Variants in OTOGL observed in about 807,000 individuals in gnomAD.
OTOGL encodes the protein otogelin-like protein.
In OTOGL, 285 loss-of-function variants were observed where a neutral mutation model predicts 318.5. The ratio of observed to expected loss-of-function variants is 0.89; its 90% CI spans 0.81 to 0.99. The LOEUF is 0.99. Among genes scored for constraint, OTOGL ranks in the 50% least tolerant of loss-of-function variants. The pLI, the probability that OTOGL is intolerant of heterozygous loss-of-function variation, is 0.00. For synonymous variants in OTOGL, 987 were observed against 936.5 expected (o/e 1.05, Z -0.99); for missense variants, 2,899 against 2,845.6 (o/e 1.02, Z -0.43).
intron 6 of OTOGL, 59 bp downstream of exon 6, chr12:80,219,971 T>C (rs1409585824): frequency 8.2e-7 from 1 of 1,217,390 alleles, no homozygotes; most frequent in African/African-American, 1.5e-5. Flanking sequence ...AATTAAGGCA[T>C]AATTTGCTAT....
rs530669743 is a variant in OTOGL, at chr12:80,152,729, C to G, written c.-20+53124C>G. Among the ~76,000 whole-genome samples, 8 of 152,258 alleles carry G rather than the reference C, an allele frequency of 5.3e-5. No homozygotes were observed. In the East Asian group the frequency reaches 1.5e-3, roughly 29 times the overall value. On this transcript the variant is annotated intron_variant, in intron 1 of 58. Coordinates refer to ENST00000547103, the MANE Select transcript of OTOGL (RefSeq NM_001378609.3). ...TTTGAGACAGAGTGTCACTTTGTCA[C>G]CAAGGCTGGAGTGCCGTGGCACAAT... is the stretch of plus-strand genomic sequence containing the variant.
intron 1 of OTOGL, among the ~76,000 whole-genome samples, chr12:80,182,237 G>A (rs747508148): frequency 2.0e-5 from 3 of 152,144 alleles, no homozygotes; most frequent in Non-Finnish European, 2.9e-5. Context: ...GCCCCTAAAT[G>A]TTATCAAAAC....
At chr12:80,228,870 T>A (rs1879112863) in intron 7 of OTOGL, among the ~76,000 whole-genome samples, 1 of 152,192 alleles carries the variant, frequency 6.6e-6, no homozygotes, top group Admixed American at 6.5e-5. Context: ...CTTTGTGTAG[T>A]GCTCCATTCA....
At chr12:80,165,408 T>G (rs569932089) in intron 1 of OTOGL, among the ~76,000 whole-genome samples, 1 of 152,332 alleles carries the variant, frequency 6.6e-6, no homozygotes, top group East Asian at 1.9e-4. Context: ...AGTTAGTGGT[T>G]GTGGGATGTG....
In OTOGL at chr12:80,222,243, T is replaced by G; in HGVS notation, c.487T>G (p.Trp163Gly). ...TGATTTGGAGCCTCGGTACACTGTA[T>G]GGGTAGGTGATTGTAGGACATGATT... ...CGDLEPRYTV[W>G]VHNSPKCLGS... Residue 163 changes from tryptophan (W) to glycine (G), a missense_variant and splice_region_variant, in exon 7 of 59, where the codon TGG becomes GGG. Trp to Gly is a radical substitution (Grantham distance 184). Coordinates refer to ENST00000547103, the MANE Select transcript of OTOGL (RefSeq NM_001378609.3). The G allele has an allele frequency of 6.3e-7, 1 of 1,584,646 alleles. No homozygotes were observed. The highest frequency in any genetic ancestry group is 1.1e-5 in the South Asian group (1 of 88,746).
chr12:80,319,832 G>A (rs539652038), intron 33 of OTOGL, among the ~76,000 whole-genome samples: 57 of 152,190 alleles, frequency 3.7e-4, no homozygotes, highest in Non-Finnish European at 7.1e-4. Context: ...TCAATGCTTT[G>A]TAAAGCTCAT....
chr12:80,264,447 A>C (rs527269101), intron 19 of OTOGL, among the ~76,000 whole-genome samples: 3 of 152,188 alleles, frequency 2.0e-5, no homozygotes, highest in Admixed American at 6.6e-5. Context: ...TATTTATCAA[A>C]CATTATTGAG....
Position 80,329,100 on chromosome 12 carries a change from A to C in OTOGL, c.4329A>C (p.Pro1443=). The C allele has an allele frequency of 6.5e-7, 1 of 1,546,180 alleles. No homozygotes were observed. The highest frequency in any genetic ancestry group is 8.6e-7 in the Non-Finnish European group (1 of 1,156,290). Residue 1443 remains proline, a synonymous_variant, in exon 37 of 59, where the codon CCA becomes CCC. Coordinates refer to ENST00000547103, the MANE Select transcript of OTOGL (RefSeq NM_001378609.3). The stretch of plus-strand genomic sequence containing the variant: ...CAACATTAATGCCACCAGCTAAGCC[A>C]ACTGTGCCCATGTTTACAGGTATTG... ...TEPTLMPPAK[P]TVPMFTVWEM... is the part of the protein sequence containing the mutation.
intron 11 of OTOGL, among the ~76,000 whole-genome samples, chr12:80,246,853 T>C (rs1297452531): frequency 3.8e-5 from 1 of 26,320 alleles, no homozygotes; most frequent in Admixed American, 3.8e-4. Flanking sequence ...CTGTTATTGG[T>C]CTATTCAGAG....
chr12:80,242,079 T>C (rs1379433664), intron 11 of OTOGL, among the ~76,000 whole-genome samples: 1 of 152,166 alleles, frequency 6.6e-6, no homozygotes, highest in African/African-American at 2.4e-5. Flanking sequence ...TGTCTTTGGC[T>C]GGCAGCCATC....
chr12:80,380,056 G>A lies in OTOGL; in HGVS notation c.*2008G>A, dbSNP rs910942598. ...AGTGCAAATTAGCTCTTAATAAATG[G>A]TGTTGGGACAACTGAATGGTTACGT... is the stretch of plus-strand genomic sequence containing the variant. On this transcript the variant is annotated 3_prime_UTR_variant, in exon 59 of 59. Coordinates refer to ENST00000547103, the MANE Select transcript of OTOGL (RefSeq NM_001378609.3). 9.9e-5 allele frequency: 15 copies of A among 151,988 alleles called. No individual in the cohort carries two copies. The highest frequency in any genetic ancestry group is 3.6e-4 in the African/African-American group (15 of 41,434). The allele number at this position is 151,988 out of a possible 1,614,324, so 9.4% of individuals were successfully genotyped here. A position where few individuals can be genotyped will look rare whatever the true frequency, so the allele number is the denominator to read the frequency against.
At chr12:80,209,222 A>G (rs908332414) in intron 1 of OTOGL, among the ~76,000 whole-genome samples, 191 bp from the exon 2 acceptor site, 5 of 152,154 alleles carry the variant, frequency 3.3e-5, no homozygotes, top group African/African-American at 1.2e-4. Flanking sequence ...TGCATCACTA[A>G]TGAGAGACTC....
At chr12:80,240,720 A>G (rs1327670673) in intron 11 of OTOGL, among the ~76,000 whole-genome samples, 1 of 152,068 alleles carries the variant, frequency 6.6e-6, no homozygotes, top group Non-Finnish European at 1.5e-5. Flanking sequence ...AATGAAAATA[A>G]ACATGTAATT....
intron 51 of OTOGL, 35 bp downstream of exon 51, chr12:80,358,810 A>G (rs1298804199): frequency 6.4e-7 from 1 of 1,562,240 alleles, no homozygotes; most frequent in Non-Finnish European, 8.7e-7. Flanking sequence ...TTTCATTATA[A>G]TAAGTTAATT....
chr12:80,368,144 C>T, intron 54 of OTOGL, 61 bp from the exon 55 acceptor site: 5 of 1,238,786 alleles, frequency 4.0e-6, no homozygotes, highest in Non-Finnish European at 5.7e-6. Context: ...AAATAACTCT[C>T]CAGAAGTAAT....
intron 1 of OTOGL, among the ~76,000 whole-genome samples, chr12:80,195,067 A>C (rs994079796): frequency 3.3e-5 from 5 of 152,196 alleles, no homozygotes; most frequent in African/African-American, 1.2e-4. Context: ...TCCCTTTTTA[A>C]TATCTCAGAA....
chr12:80,234,994 A>G (rs1466549950), intron 9 of OTOGL, among the ~76,000 whole-genome samples: 1 of 152,182 alleles, frequency 6.6e-6, no homozygotes, highest in Non-Finnish European at 1.5e-5. Context: ...CCCAGTTGGC[A>G]TTTGCAATGA....
At chr12:80,199,946 C>G (rs1280005380) in intron 1 of OTOGL, among the ~76,000 whole-genome samples, 1 of 152,150 alleles carries the variant, frequency 6.6e-6, no homozygotes, top group Non-Finnish European at 1.5e-5. Flanking sequence ...CTGAACTTTT[C>G]CTCCCTTTCT....
chr12:80,274,827 T>C (rs552196025), intron 24 of OTOGL, among the ~76,000 whole-genome samples: 8 of 152,118 alleles, frequency 5.3e-5, no homozygotes, highest in African/African-American at 1.9e-4. Flanking sequence ...CTAAGTCTAC[T>C]CTACCTGTGC....
Sources: allele counts gnomAD v4.1 joint callset (sites outside exome capture counted in the v4.1 genomes callset), GRCh38; gene constraint gnomAD v4.1.1; transcripts MANE v1.5; gene names NCBI Gene and HGNC (gene_info 2026-07-23, HGNC 2026-07-21).